ITGB4: variants seen among roughly 807,000 people sequenced by gnomAD.
ITGB4 encodes the protein integrin subunit beta 4, also known as integrin beta-4.
In ITGB4, 159 loss-of-function variants were observed where a neutral mutation model predicts 207.6. The observed-to-expected ratio is 0.77, with a 90% CI of 0.67 to 0.87. The LOEUF (loss-of-function observed/expected upper bound fraction) is 0.87, where lower values mean the gene tolerates loss of function less well. Ranked by LOEUF, ITGB4 falls within the 40% of genes least tolerant of loss-of-function variation. The probability of loss-of-function intolerance (pLI) is 0.00; values close to 1 mark genes in which losing one functional copy is unlikely to be tolerated. For missense variants in ITGB4, 2,278 were observed against 2,546.8 expected (o/e 0.89, Z 2.27); for synonymous variants, 1,020 against 1,062.7 (o/e 0.96, Z 0.78).
At chr17:75,733,765 G>A (rs527675992) in intron 13 of ITGB4, 73 bp downstream of exon 13, 4 of 1,504,102 alleles carry the variant, frequency 2.7e-6, no homozygotes, top group East Asian at 4.7e-5. Context: ...TTCCCGTCAG[G>A]ACCCAGGTTG....
intron 13 of ITGB4, among the ~76,000 whole-genome samples, chr17:75,734,139 T>G (rs942791021): frequency 3.8e-4 from 54 of 142,390 alleles, no homozygotes; most frequent in Non-Finnish European, 6.6e-4. Flanking sequence ...TTTTTTTTTT[T>G]TTTTTTTTTT....
intron 2 of ITGB4, among the ~76,000 whole-genome samples, chr17:75,726,648 C>T (rs2060722066): frequency 6.6e-6 from 1 of 152,136 alleles, no homozygotes; most frequent in Non-Finnish European, 1.5e-5. Context: ...AGGAGAATCA[C>T]TTGAACCTGG....
chr17:75,728,377 C>T lies in ITGB4; in HGVS notation c.470C>T (p.Ala157Val). ...CCCTCTCTGTCCTTTTGACATCCAG[C>T]TCGGGTCCTGAGCCAGCTCACCAGC... ...DNLKKMGQNL[A>V]RVLSQLTSDY... The change falls in exon 6 of 40, where the codon GCT becomes GTT. Residue 157 changes from alanine to valine, a missense_variant and splice_region_variant. Physicochemically the swap from Ala to Val is moderately conservative, Grantham distance 64. Transcript: ENST00000200181. 1 of 1,613,950 alleles carries T rather than the reference C, an allele frequency of 6.2e-7. No individual in the cohort carries two copies. Among genetic ancestry groups the T allele is most frequent in the Non-Finnish European group, 8.5e-7 (1 of 1,179,888 alleles).
Position 75,739,645 on chromosome 17 carries a change from C to T in ITGB4, c.2221-27C>T. ...CTGGGCCAGGGCAGCTGTCTCAGGCCTCACCCTCACCCACCTTGTCTCCTA... is the reference window on the plus strand; with the variant it reads ...CTGGGCCAGGGCAGCTGTCTCAGGCTTCACCCTCACCCACCTTGTCTCCTA... On this transcript the variant is annotated intron_variant, in intron 18 of 39. Coordinates refer to ENST00000200181, the MANE Select transcript of ITGB4 (RefSeq NM_000213.5). This position sits in a 1 kb window ranked among gnomAD's most constrained non-coding sequence, Gnocchi z 5.4. The T allele has an allele frequency of 6.2e-7, 1 of 1,614,054 alleles. No individual in the cohort carries two copies. Among genetic ancestry groups the T allele is most frequent in the Admixed American group, 1.7e-5 (1 of 60,018 alleles).
intron 32 of ITGB4, 50 bp from the exon 33 acceptor site, chr17:75,753,715 C>T (rs760938497): frequency 4.7e-6 from 6 of 1,266,402 alleles, no homozygotes; most frequent in African/African-American, 4.6e-5. Context: ...TGGCCCTGCT[C>T]GGCCCGGCGC....
chr17:75,730,588 CCCTCCCTCCCTCCCTTCCTCCCTT>C (rs2060832392), intron 8 of ITGB4, 84 bp downstream of exon 8: 26 of 1,194,232 alleles, frequency 2.2e-5, no homozygotes, highest in South Asian at 1.1e-4. Flanking sequence ...CTCCCTCCCT[CCCTCCCTCCCTCCCTTCCTCCCTT>C]CCTCCCTCCC....
At chr17:75,754,955 T>C in intron 34 of ITGB4, 140 bp downstream of exon 34, 2 of 1,280,000 alleles carry the variant, frequency 1.6e-6, no homozygotes, top group Non-Finnish European at 2.2e-6. Flanking sequence ...CGCACACACG[T>C]GCACACGCAT....
At chr17:75,736,718 G>C in intron 16 of ITGB4, 24 bp downstream of exon 16, 1 of 1,583,982 alleles carries the variant, frequency 6.3e-7, no homozygotes, top group Non-Finnish European at 8.6e-7. Context: ...CTGAGGGTTG[G>C]GGTTGCTGAG....
At position 75,753,898 on chromosome 17, in the gene ITGB4, C is replaced by T. The variant is rs897137492; in HGVS notation, c.4242C>T (p.His1414=). The T allele has an allele frequency of 5.4e-6, 7 of 1,299,342 alleles. No individual in the cohort carries two copies. Among genetic ancestry groups the T allele is most frequent in the African/African-American group, 4.6e-5 (3 of 64,784 alleles). 80.5% of individuals were successfully genotyped at this position (1,299,342 alleles called of 1,614,324 possible). A position where few individuals can be genotyped will look rare whatever the true frequency, so the allele number is the denominator to read the frequency against. The change falls in exon 33 of 40, where the codon CAC becomes CAT. Residue 1414 remains histidine (H), a synonymous_variant. Coordinates refer to ENST00000200181, the MANE Select transcript of ITGB4 (RefSeq NM_000213.5). ...SGRSSDAEAP[H]GPPDDGGAGG... ...GCTCCTCCGACGCCGAGGCGCCCCA[C>T]GGGCCCCCGGACGACGGCGGCGCGG...
intron 12 of ITGB4, among the ~76,000 whole-genome samples, chr17:75,733,191 A>G (rs1349473124): frequency 3.3e-5 from 5 of 152,058 alleles, no homozygotes; most frequent in Non-Finnish European, 7.4e-5. Flanking sequence ...GATCGAGACC[A>G]TCCTGGCTAA....
At position 75,727,390 on chromosome 17, in the gene ITGB4, G is replaced by T. The variant is rs751359332; in HGVS notation, c.163-14G>T. ...TGGGTGCTGCCCCCAGTGACCCCCTGTCCTTCTGGCCAGATGTTCAGGGAC... is the reference window on the plus strand; with the variant it reads ...TGGGTGCTGCCCCCAGTGACCCCCTTTCCTTCTGGCCAGATGTTCAGGGAC... On this transcript the variant is annotated splice_polypyrimidine_tract_variant and intron_variant, in intron 3 of 39. Coordinates refer to ENST00000200181, the MANE Select transcript of ITGB4 (RefSeq NM_000213.5). The surrounding 1 kb of genome is among the most constrained non-coding windows in gnomAD (Gnocchi z 6.0). 15 of 1,614,016 alleles carry T rather than the reference G, an allele frequency of 9.3e-6. No homozygotes were observed. The highest frequency in any genetic ancestry group is 1.2e-5 in the Non-Finnish European group (14 of 1,179,962).
chr17:75,726,624 C>T (rs1052030014), intron 2 of ITGB4, among the ~76,000 whole-genome samples: 5 of 150,080 alleles, frequency 3.3e-5, no homozygotes, highest in East Asian at 2.0e-4. Context: ...CCCAGCTACT[C>T]GGGAGGCTGA....
intron 25 of ITGB4, among the ~76,000 whole-genome samples, chr17:75,743,407 A>G (rs2061161069): frequency 1.3e-5 from 2 of 151,764 alleles, no homozygotes; most frequent in South Asian, 4.2e-4. Flanking sequence ...TAATTTTTCT[A>G]TCTTTAGTAG....
rs773775709 is a variant in ITGB4 at position 75,756,799 on chromosome 17, C to T, written c.4993C>T (p.Arg1665Trp). Reference sequence around the variant, plus strand: ...GCTGCAGCTGAGCTGGGAGCGGCCACGGAGGCCCAATGGGGATATCGTCGG... The same window carrying T: ...GCTGCAGCTGAGCTGGGAGCGGCCATGGAGGCCCAATGGGGATATCGTCGG... Reference protein sequence around the residue: ...DSLQLSWERPRRPNGDIVGYL... With the variant: ...DSLQLSWERPWRPNGDIVGYL... The change falls in exon 37 of 40, where the codon CGG becomes TGG. Residue 1665 changes from arginine to tryptophan, a missense_variant. Physicochemically the swap from Arg to Trp is moderately radical, Grantham distance 101. Coordinates refer to ENST00000200181, the MANE Select transcript of ITGB4 (RefSeq NM_000213.5). The T allele has an allele frequency of 1.6e-5, 25 of 1,612,502 alleles. No homozygotes were observed. The highest frequency in any genetic ancestry group is 4.0e-5 in the African/African-American group (3 of 74,918).
In ITGB4 at chr17:75,752,613, G is replaced by C. The variant is rs367792315; in HGVS notation, c.4108+36G>C. ...ACCTGGGACCCACAAGAGGACAGTGGGGGTCTTGGGTACAGAGTGAGTCCA... is the reference window on the plus strand; with the variant it reads ...ACCTGGGACCCACAAGAGGACAGTGCGGGTCTTGGGTACAGAGTGAGTCCA... On this transcript the variant is annotated intron_variant, in intron 32 of 39. Transcript: ENST00000200181. 52 of 1,612,332 alleles carry C rather than the reference G, an allele frequency of 3.2e-5. No homozygotes were observed. The African/African-American group carries it at 6.5e-4, about 20-fold the overall frequency.
intron 25 of ITGB4, among the ~76,000 whole-genome samples, chr17:75,743,242 T>A (rs1379994667): frequency 2.0e-5 from 3 of 152,106 alleles, no homozygotes; most frequent in Non-Finnish European, 4.4e-5. Context: ...AACCACTTTT[T>A]TTTTTCTTGG....
chr17:75,750,728 G>A lies in ITGB4; in HGVS notation c.3523G>A (p.Asp1175Asn), dbSNP rs774430611. Reference sequence around the variant, plus strand: ...CTCCGAATCCGAAGCCCACCTGCTCGACAGCAAGGTGCCCTCAGTGGAGCT... The same window carrying A: ...CTCCGAATCCGAAGCCCACCTGCTCAACAGCAAGGTGCCCTCAGTGGAGCT... Reference protein sequence around the residue: ...GDSESEAHLLDSKVPSVELTN... With the variant: ...GDSESEAHLLNSKVPSVELTN... The change falls in exon 29 of 40, where the codon GAC becomes AAC. Residue 1175 changes from aspartate to asparagine, a missense_variant. By Grantham distance (23) the Asp-to-Asn change is conservative. Transcript: ENST00000200181. This position sits in a 1 kb window ranked among gnomAD's most constrained non-coding sequence, Gnocchi z 5.5. 1.8e-5 allele frequency: 29 copies of A among 1,613,368 alleles called. 1 individual carries two copies. The highest frequency in any genetic ancestry group is 2.7e-5 in the African/African-American group (2 of 74,910).
At chr17:75,741,580 T>A (rs1002768793) in intron 23 of ITGB4, among the ~76,000 whole-genome samples, 1 of 151,438 alleles carries the variant, frequency 6.6e-6, no homozygotes, top group African/African-American at 2.4e-5. Context: ...CTGAGGCGGG[T>A]GGATCACCTC....
Position 75,733,649 on chromosome 17 carries a change from T to C in ITGB4, c.1614T>C (p.Tyr538=). The change falls in exon 13 of 40, where the codon TAT becomes TAC. Residue 538 remains tyrosine, a synonymous_variant. Coordinates refer to ENST00000200181, the MANE Select transcript of ITGB4 (RefSeq NM_000213.5). ...EGRYEGQFCE[Y]DNFQCPRTSG... ...GCTACGAGGGTCAGTTCTGCGAGTA[T>C]GACAACTTCCAGTGTCCCCGCACTT... 6.2e-7 allele frequency: 1 copy of C among 1,614,204 alleles called. No homozygotes were observed. Among genetic ancestry groups the C allele is most frequent in the Non-Finnish European group, 8.5e-7 (1 of 1,180,030 alleles).
Sources: gnomAD v4.1 joint callset for allele counts (sites outside exome capture counted in the v4.1 genomes callset) on GRCh38, gnomAD v4.1.1 for gene constraint, Gnocchi (gnomAD v3.1) non-coding constraint, MANE v1.5 for transcripts, NCBI Gene and HGNC (gene_info 2026-07-23, HGNC 2026-07-21) for gene names.